The following TESK2 variants were observed in gnomAD, a reference collection of about 807,000 sequenced individuals.
TESK2 encodes the protein dual specificity testis-specific protein kinase 2.
Under a neutral mutation model 57.1 loss-of-function variants are expected in TESK2, and 39 were observed. The observed-to-expected ratio is 0.68, with a 90% CI of 0.53 to 0.89. The LOEUF (loss-of-function observed/expected upper bound fraction) is 0.89. Among genes scored for constraint, TESK2 ranks in the 40% least tolerant of loss-of-function variants. The pLI is 0.00. For missense variants in TESK2, 646 were observed against 732.1 expected, an observed-to-expected ratio of 0.88 and a Z score of 1.36; for synonymous variants, 249 against 267.9, an observed-to-expected ratio of 0.93 and a Z score of 0.69.
intron 3 of TESK2, chr1:45,413,713 C>T: frequency 2.9e-6 from 1 of 349,322 alleles, no homozygotes; most frequent in Non-Finnish European, 5.7e-6. Flanking sequence ...TAGATGAAGC[C>T]AAGAGAACAG....
At chr1:45,346,371 T>G (rs547329708) in intron 9 of TESK2, among the ~76,000 whole-genome samples, 4 of 152,192 alleles carry the variant, frequency 2.6e-5, no homozygotes, top group Non-Finnish European at 4.4e-5. Context: ...AAGAAGAGCC[T>G]TTCTCATATG....
rs929782354 is a variant in TESK2, at chr1:45,407,591, G to A, written c.344+14134C>T. On this transcript the variant is annotated intron_variant, in intron 3 of 10. Coordinates refer to ENST00000372086, the MANE Select transcript of TESK2 (RefSeq NM_007170.3). ...GGAGGTAATTGAATCATGGGGACAG[G>A]TCTCTCCCATGCTGTTTTCGTGATA... is the stretch of plus-strand genomic sequence containing the variant. 2.6e-5 allele frequency among the ~76,000 whole-genome samples: 4 copies of A among 152,218 alleles called. No homozygotes were observed. In the East Asian group the frequency reaches 7.7e-4, roughly 29 times the overall value.
At chr1:45,468,138 T>A (rs186232957) in intron 1 of TESK2, among the ~76,000 whole-genome samples, 1 of 150,894 alleles carries the variant, frequency 6.6e-6, no homozygotes, top group Non-Finnish European at 1.5e-5. Flanking sequence ...TTTGGGCTAC[T>A]GCATTCCAGC....
At position 45,366,005 on chromosome 1, in the gene TESK2, C is replaced by T. The variant is rs532783276; in HGVS notation, c.394-10556G>A. Among the ~76,000 whole-genome samples, 4 of 152,154 alleles carry T rather than the reference C, an allele frequency of 2.6e-5. No individual in the cohort carries two copies. The East Asian group carries it at 7.7e-4, about 29-fold the overall frequency. ...TGTATTTTTAGTAGAGACGGGGTTT[C>T]ACCATGTTGGCCAGGCTGGTCTCAA... On this transcript the variant is annotated intron_variant, in intron 4 of 10. Coordinates refer to ENST00000372086, the MANE Select transcript of TESK2 (RefSeq NM_007170.3).
intron 3 of TESK2, among the ~76,000 whole-genome samples, chr1:45,391,316 C>T (rs910319456): frequency 6.6e-5 from 10 of 150,462 alleles, no homozygotes; most frequent in African/African-American, 2.5e-4. Context: ...CTCATTGGCT[C>T]ACGTGATCCT....
intron 1 of TESK2, among the ~76,000 whole-genome samples, chr1:45,470,783 T>C (rs758057035): frequency 1.3e-5 from 2 of 152,242 alleles, no homozygotes; most frequent in African/African-American, 2.4e-5. Context: ...GGTGCTATAG[T>C]ATTTACTGAG....
chr1:45,462,284 TA>T (rs1261604630), intron 1 of TESK2, among the ~76,000 whole-genome samples: 41 of 152,154 alleles, frequency 2.7e-4, no homozygotes, highest in Admixed American at 1.8e-3. Flanking sequence ...TTTTTTTTTT[TA>T]TTTTTTAGAT....
intron 2 of TESK2, among the ~76,000 whole-genome samples, chr1:45,428,416 A>G (rs1337098463): frequency 6.6e-6 from 1 of 152,212 alleles, no homozygotes; most frequent in Admixed American, 6.5e-5. Flanking sequence ...GATAATAATC[A>G]TGATCTTGTA....
intron 4 of TESK2, among the ~76,000 whole-genome samples, chr1:45,372,752 A>C (rs1463579312): frequency 6.7e-6 from 1 of 149,960 alleles, no homozygotes; most frequent in African/African-American, 2.5e-5. Flanking sequence ...AAAAAAAGAA[A>C]AGAAGGCCAG....
In TESK2 at chr1:45,369,671, A is replaced by T. The variant is rs140322835; in HGVS notation, c.394-14222T>A. On this transcript the variant is annotated intron_variant, in intron 4 of 10. Coordinates refer to ENST00000372086, the MANE Select transcript of TESK2 (RefSeq NM_007170.3). ...AGAATCAGGAAAGGTTTTATGGGGAAATAAGCGGACTCTGAGGCCAGGTCT... is the reference window on the plus strand; with the variant it reads ...AGAATCAGGAAAGGTTTTATGGGGATATAAGCGGACTCTGAGGCCAGGTCT... 2.6e-3 allele frequency among the ~76,000 whole-genome samples: 390 copies of T among 152,038 alleles called. 3 individuals carry two copies. Among genetic ancestry groups the T allele is most frequent in the African/African-American group, 9.1e-3 (376 of 41,496 alleles).
intron 5 of TESK2, among the ~76,000 whole-genome samples, chr1:45,351,245 G>A (rs903674508): frequency 6.6e-6 from 1 of 152,248 alleles, no homozygotes; most frequent in African/African-American, 2.4e-5. Context: ...AAGCCTGTGT[G>A]TGGCTATTGG....
intron 4 of TESK2, among the ~76,000 whole-genome samples, chr1:45,372,059 G>A (rs1648210505): frequency 6.6e-6 from 1 of 151,724 alleles, no homozygotes; most frequent in African/African-American, 2.4e-5. Flanking sequence ...GACCAGCCTG[G>A]GCAACTTAGC....
At chr1:45,446,168 C>CCT (rs1651641203) in intron 2 of TESK2, among the ~76,000 whole-genome samples, 4 of 143,814 alleles carry the variant, frequency 2.8e-5, no homozygotes. Context: ...AAAAAACTTC[C>CCT]TTTTTTTTTT....
chr1:45,423,576 C>A (rs1381591816), intron 2 of TESK2, among the ~76,000 whole-genome samples: 1 of 139,744 alleles, frequency 7.2e-6, no homozygotes, highest in African/African-American at 2.6e-5. Context: ...AAAAAAAAAT[C>A]TATAAAAAAA....
chr1:45,435,987 T>A (rs1312612117), intron 2 of TESK2, among the ~76,000 whole-genome samples: 1 of 151,960 alleles, frequency 6.6e-6, no homozygotes, highest in Non-Finnish European at 1.5e-5. Context: ...TTGGTCTATG[T>A]GTCTGATTTA....
At chr1:45,474,179 C>G (rs1570767010) in intron 1 of TESK2, among the ~76,000 whole-genome samples, 1 of 151,786 alleles carries the variant, frequency 6.6e-6, no homozygotes, top group Non-Finnish European at 1.5e-5. Context: ...ACCAAAAATA[C>G]ACAAAAAATT....
intron 4 of TESK2, among the ~76,000 whole-genome samples, chr1:45,366,961 T>C (rs1465698866): frequency 1.3e-5 from 2 of 151,950 alleles, no homozygotes; most frequent in Non-Finnish European, 2.9e-5. Flanking sequence ...TGGCAAAACC[T>C]TGTCTCTGCA....
At chr1:45,435,221 G>A (rs181866091) in intron 2 of TESK2, among the ~76,000 whole-genome samples, 2 of 152,012 alleles carry the variant, frequency 1.3e-5, no homozygotes, top group Admixed American at 1.3e-4. Context: ...CAACTTCCTA[G>A]GCTCAACCAA....
intron 4 of TESK2, among the ~76,000 whole-genome samples, chr1:45,357,461 G>A (rs1266716506): frequency 3.3e-5 from 5 of 151,306 alleles, no homozygotes; most frequent in Non-Finnish European, 7.4e-5. Context: ...AGTGAACAGA[G>A]GAAAGAGTAG....
Sources: gnomAD v4.1 joint callset for allele counts (sites outside exome capture counted in the v4.1 genomes callset) on GRCh38, gnomAD v4.1.1 for gene constraint, MANE v1.5 for transcripts, NCBI Gene and HGNC (gene_info 2026-07-23, HGNC 2026-07-21) for gene names.